The following MAP2K5 variants were observed in gnomAD, a reference collection of about 807,000 sequenced individuals.
MAP2K5 encodes dual specificity mitogen-activated protein kinase kinase 5.
Under a neutral mutation model 83.1 loss-of-function variants are expected in MAP2K5, and 49 were observed. The observed-to-expected ratio is 0.59, with a 90% confidence interval of 0.47 to 0.75. The LOEUF is 0.75. Ranked by LOEUF, MAP2K5 falls within the 30% of genes least tolerant of loss-of-function variation. The probability of loss-of-function intolerance (pLI) is 0.00; values close to 1 mark genes in which losing one functional copy is unlikely to be tolerated. For synonymous variants in MAP2K5, 202 were observed against 191.8 expected (o/e 1.05, Z -0.44); for missense variants, 457 against 557.5 (o/e 0.82, Z 1.82).
chr15:67,661,682 A>G (rs1429146604), intron 12 of MAP2K5, among the ~76,000 whole-genome samples: 1 of 152,188 alleles, frequency 6.6e-6, no homozygotes, highest in Non-Finnish European at 1.5e-5. Context: ...CTACCTAACT[A>G]TCAGAATATA....
intron 6 of MAP2K5, among the ~76,000 whole-genome samples, chr15:67,589,988 G>T (rs934683162): frequency 1.3e-5 from 2 of 152,118 alleles, no homozygotes; most frequent in African/African-American, 4.8e-5. Flanking sequence ...TTGATAAATA[G>T]CAGCTGCTAT....
chr15:67,665,707 T>C lies in MAP2K5; in HGVS notation c.847+1062T>C, dbSNP rs911758624. On this transcript the variant is annotated intron_variant, in intron 13 of 21. Coordinates refer to ENST00000178640, the MANE Select transcript of MAP2K5 (RefSeq NM_145160.3). The surrounding 1 kb of genome is among the most constrained non-coding windows in gnomAD (Gnocchi z 4.2). ...TTTTGAAGGTATTTAACTGACTAAA[T>C]GGAATCATAAACTAGATTTATTTTT... Among the ~76,000 whole-genome samples the C allele has an allele frequency of 4.6e-5, 7 of 152,184 alleles. No individual in the cohort carries two copies. Among genetic ancestry groups the C allele is most frequent in the Admixed American group, 1.3e-4 (2 of 15,274 alleles).
intron 16 of MAP2K5, among the ~76,000 whole-genome samples, chr15:67,711,194 T>C (rs2088683646): frequency 6.6e-6 from 1 of 152,270 alleles, no homozygotes; most frequent in Non-Finnish European, 1.5e-5. Context: ...TAAATCTTTT[T>C]GACTCAAATT....
chr15:67,594,121 C>T (rs923572111), intron 7 of MAP2K5, among the ~76,000 whole-genome samples: 1 of 152,108 alleles, frequency 6.6e-6, no homozygotes, highest in African/African-American at 2.4e-5. Flanking sequence ...TATGTGAATT[C>T]TAGTCCTTAA....
Position 67,774,830 on chromosome 15 carries a change from A to G in MAP2K5, c.1242+2078A>G, listed in dbSNP as rs2090208684. 6.6e-6 allele frequency among the ~76,000 whole-genome samples: 1 copy of G among 152,252 alleles called. No homozygotes were observed. Among genetic ancestry groups the G allele is most frequent in the Non-Finnish European group, 1.5e-5 (1 of 68,036 alleles). On this transcript the variant is annotated intron_variant, in intron 21 of 21. Transcript: ENST00000178640. This position sits in a 1 kb window ranked among gnomAD's most constrained non-coding sequence, Gnocchi z 4.9. ...TGGTAACTCCAGCCAGCAGGGTACC[A>G]GCATGGGCTGCATGGGCCGCTTCAA...
At chr15:67,575,690 G>A (rs1046833014) in intron 3 of MAP2K5, among the ~76,000 whole-genome samples, 1 of 152,052 alleles carries the variant, frequency 6.6e-6, no homozygotes, top group African/African-American at 2.4e-5. Context: ...TAATTTTTTT[G>A]TTTGTTTGTT....
At chr15:67,590,438 C>CTCTCTCTCTCTCT (rs1567294574) in intron 6 of MAP2K5, among the ~76,000 whole-genome samples, 6 of 67,322 alleles carry the variant, frequency 8.9e-5, no homozygotes, top group African/African-American at 3.7e-4. Flanking sequence ...TCTCTCTCTC[C>CTCTCTCTCTCTCT]CTCCCTCCCT....
rs956475881 is a variant in MAP2K5 at position 67,742,332 on chromosome 15, C to T, written c.1075-5899C>T. Among the ~76,000 whole-genome samples, 4 of 152,188 alleles carry T rather than the reference C, an allele frequency of 2.6e-5. No homozygotes were observed. In the East Asian group the frequency reaches 7.7e-4, roughly 29 times the overall value. On this transcript the variant is annotated intron_variant, in intron 17 of 21. Coordinates refer to ENST00000178640, the MANE Select transcript of MAP2K5 (RefSeq NM_145160.3). ...TTTCTACATTAGGCAAAGAATTGTA[C>T]TAGGTGACTTCCAACATCATGTAGA...
chr15:67,588,003 A>T lies in MAP2K5; in HGVS notation c.431+1090A>T, dbSNP rs920502320. On this transcript the variant is annotated intron_variant, in intron 6 of 21. Coordinates refer to ENST00000178640, the MANE Select transcript of MAP2K5 (RefSeq NM_145160.3). ...AGTCTACTCCCTCCGTTCTTGGCCCATTCAGCCCCTCCTCCACCCTGCAGC... is the reference window on the plus strand; with the variant it reads ...AGTCTACTCCCTCCGTTCTTGGCCCTTTCAGCCCCTCCTCCACCCTGCAGC... The T allele has an allele frequency of 4.4e-6, 3 of 674,630 alleles. No individual in the cohort carries two copies. In the Admixed American group the frequency reaches 1.9e-4, roughly 43 times the overall value. 41.8% of individuals were successfully genotyped at this position (674,630 alleles called of 1,614,324 possible). A position where few individuals can be genotyped will look rare whatever the true frequency, so the allele number is the denominator to read the frequency against.
chr15:67,571,069 A>T (rs1381681815), intron 3 of MAP2K5, among the ~76,000 whole-genome samples: 1 of 152,202 alleles, frequency 6.6e-6, no homozygotes, highest in African/African-American at 2.4e-5. Context: ...AGTCGTTACT[A>T]TGTCTATATC....
intron 21 of MAP2K5, among the ~76,000 whole-genome samples, chr15:67,788,790 A>G (rs966214255): frequency 6.6e-6 from 1 of 152,124 alleles, no homozygotes; most frequent in Non-Finnish European, 1.5e-5. Context: ...CCTGGGCAAC[A>G]TAGTGAGACC....
chr15:67,670,592 G>T, intron 13 of MAP2K5: 1 of 357,346 alleles, frequency 2.8e-6, no homozygotes, highest in Non-Finnish European at 5.5e-6. Flanking sequence ...CTGCCAAAAG[G>T]ACAAACCATT....
Position 67,750,042 on chromosome 15 carries a change from A to G in MAP2K5, c.1134+1441A>G, listed in dbSNP as rs2089685681. Among the ~76,000 whole-genome samples the G allele has an allele frequency of 6.6e-6, 1 of 152,248 alleles. No individual in the cohort carries two copies. The highest frequency in any genetic ancestry group is 1.5e-5 in the Non-Finnish European group (1 of 68,044). On this transcript the variant is annotated intron_variant, in intron 19 of 21. Coordinates refer to ENST00000178640, the MANE Select transcript of MAP2K5 (RefSeq NM_145160.3). This position sits in a 1 kb window ranked among gnomAD's most constrained non-coding sequence, Gnocchi z 4.2. ...TTTGAATGTTTTCTGCATCAAATAGATATTTTCATTCCTTATTTAAAGTAA... is the reference window on the plus strand; with the variant it reads ...TTTGAATGTTTTCTGCATCAAATAGGTATTTTCATTCCTTATTTAAAGTAA...
In MAP2K5 at chr15:67,772,737, A is replaced by G. The variant is rs2090166025; in HGVS notation, c.1227A>G (p.Ala409=). ...CMRKQPKERP[A]PEELMGHPFI... ...GAAAACAGCCAAAAGAAAGGCCAGC[A>G]CCTGAAGAATTGATGGTAAGTGAAT... is the stretch of plus-strand genomic sequence containing the variant. The change falls in exon 21 of 22, where the codon GCA becomes GCG. Residue 409 remains alanine, a synonymous_variant. Transcript: ENST00000178640. 2 of 1,604,104 alleles carry G rather than the reference A, an allele frequency of 1.2e-6. No homozygotes were observed. The highest frequency in any genetic ancestry group is 2.2e-5 in the South Asian group (2 of 89,214).
Position 67,758,709 on chromosome 15 carries a change from A to T in MAP2K5, c.1134+10108A>T, listed in dbSNP as rs923375445. ...TAGATATGGTTCTCTACCAGAATTC[A>T]GAAGTCTAAGCCTTAACCTTTGTGG... On this transcript the variant is annotated intron_variant, in intron 19 of 21. Coordinates refer to ENST00000178640, the MANE Select transcript of MAP2K5 (RefSeq NM_145160.3). This position sits in a 1 kb window ranked among gnomAD's most constrained non-coding sequence, Gnocchi z 4.7. Among the ~76,000 whole-genome samples, 1 of 152,214 alleles carries T rather than the reference A, an allele frequency of 6.6e-6. No individual in the cohort carries two copies. The highest frequency in any genetic ancestry group is 2.4e-5 in the African/African-American group (1 of 41,466).
chr15:67,611,200 A>G (rs777038679), intron 8 of MAP2K5, among the ~76,000 whole-genome samples: 4 of 152,238 alleles, frequency 2.6e-5, no homozygotes, highest in Non-Finnish European at 5.9e-5. Flanking sequence ...AATTATGAAT[A>G]AAATATATTT....
chr15:67,805,600 G>T (rs1394842993), intron 21 of MAP2K5, among the ~76,000 whole-genome samples: 1 of 152,168 alleles, frequency 6.6e-6, no homozygotes, highest in Non-Finnish European at 1.5e-5. Context: ...AGGGAGGAGA[G>T]AGCTGGGGGG....
intron 21 of MAP2K5, among the ~76,000 whole-genome samples, chr15:67,784,597 A>C (rs1048634822): frequency 6.6e-6 from 1 of 152,214 alleles, no homozygotes; most frequent in Non-Finnish European, 1.5e-5. Flanking sequence ...TTGAAGCCTG[A>C]GCCTCAGTAG....
chr15:67,620,985 A>G (rs1244634551), intron 8 of MAP2K5, among the ~76,000 whole-genome samples: 1 of 152,082 alleles, frequency 6.6e-6, no homozygotes, highest in Non-Finnish European at 1.5e-5. Context: ...AAGTAGAGTA[A>G]TATTAGCAGC....
Sources: allele counts gnomAD v4.1 joint callset (sites outside exome capture counted in the v4.1 genomes callset), GRCh38; gene constraint gnomAD v4.1.1; non-coding constraint Gnocchi (gnomAD v3.1); transcripts MANE v1.5; gene names NCBI Gene and HGNC (gene_info 2026-07-23, HGNC 2026-07-21).